Variants in TENM2 observed in about 807,000 individuals in gnomAD.
TENM2 encodes the protein teneurin-2.
A neutral mutation model predicts 245.2 loss-of-function variants in TENM2; 52 were observed. The observed-to-expected ratio is 0.21, with a 90% CI of 0.17 to 0.27. The LOEUF (loss-of-function observed/expected upper bound fraction) is 0.27, where lower values mean the gene tolerates loss of function less well. Among genes scored for constraint, TENM2 ranks in the 10% least tolerant of loss-of-function variants. The pLI, the probability that TENM2 is intolerant of heterozygous loss-of-function variation, is 1.00. For synonymous variants in TENM2, 1,363 were observed against 1,438.9 expected (o/e 0.95, Z 1.19); for missense variants, 3,046 against 3,666.8 (o/e 0.83, Z 4.37).
chr5:167,000,550 G>A, the TENM2 span, among the ~76,000 whole-genome samples: 1 of 152,150 alleles, frequency 6.6e-6, no homozygotes, highest in Non-Finnish European at 1.5e-5. Flanking sequence ...AGAATTCTGT[G>A]TGCAGAAAAT....
chr5:167,211,394 G>T, the TENM2 span, among the ~76,000 whole-genome samples: 1 of 152,212 alleles, frequency 6.6e-6, no homozygotes, highest in Non-Finnish European at 1.5e-5. Context: ...AAAATTAGAT[G>T]ATTTGATCCT....
At chr5:167,362,580 C>T (rs1759782770) in intron 1 of TENM2, among the ~76,000 whole-genome samples, 1 of 152,110 alleles carries the variant, frequency 6.6e-6, no homozygotes, top group African/African-American at 2.4e-5. Flanking sequence ...AAACATCAAG[C>T]ACATGATGGA....
chr5:167,996,193 G>A (rs544755850), intron 5 of TENM2, among the ~76,000 whole-genome samples: 8 of 152,218 alleles, frequency 5.3e-5, no homozygotes, highest in South Asian at 2.1e-4. Flanking sequence ...ATCCAGGCCC[G>A]TGGGCGGGTG....
chr5:168,144,889 G>C (rs1240209216), intron 12 of TENM2, among the ~76,000 whole-genome samples: 1 of 150,454 alleles, frequency 6.6e-6, no homozygotes, highest in African/African-American at 2.4e-5. Flanking sequence ...GTGTGAGATG[G>C]TATCTCATTG....
the TENM2 span, among the ~76,000 whole-genome samples, chr5:166,998,585 C>A: frequency 6.6e-6 from 1 of 152,174 alleles, no homozygotes; most frequent in East Asian, 1.9e-4. Context: ...CTCTAAAGGA[C>A]AAATATCTAG....
intron 2 of TENM2, among the ~76,000 whole-genome samples, chr5:167,640,878 T>TATATATCC (rs1561628928): frequency 1.0e-4 from 6 of 60,292 alleles, no homozygotes; most frequent in South Asian, 4.8e-4. Flanking sequence ...TATATATATA[T>TATATATCC]ATATATATAT....
intron 2 of TENM2, among the ~76,000 whole-genome samples, chr5:167,468,838 T>C (rs1438438685): frequency 6.6e-6 from 1 of 152,194 alleles, no homozygotes; most frequent in Non-Finnish European, 1.5e-5. Context: ...AGTTTTAACA[T>C]GTGATATGCA....
chr5:167,113,219 G>C, the TENM2 span, among the ~76,000 whole-genome samples: 3 of 152,146 alleles, frequency 2.0e-5, no homozygotes, highest in Admixed American at 6.5e-5. Context: ...GTATAATCTA[G>C]TTATTTGGGA....
the TENM2 span, among the ~76,000 whole-genome samples, chr5:167,184,391 A>G: frequency 6.6e-6 from 1 of 152,230 alleles, no homozygotes; most frequent in Non-Finnish European, 1.5e-5. Context: ...TTAGGAAAGT[A>G]CAAGAAATAC....
chr5:167,219,715 G>T, the TENM2 span, among the ~76,000 whole-genome samples: 2 of 152,174 alleles, frequency 1.3e-5, no homozygotes, highest in Non-Finnish European at 1.5e-5. Flanking sequence ...TTTGAAATTT[G>T]CCTGAAAAGG....
At chr5:167,863,730 A>G (rs1480409154) in intron 2 of TENM2, among the ~76,000 whole-genome samples, 4 of 152,214 alleles carry the variant, frequency 2.6e-5, no homozygotes, top group Non-Finnish European at 5.9e-5. Flanking sequence ...TGAGGCCTAC[A>G]GAATGTAAGA....
chr5:167,749,068 A>AT (rs1323185042), intron 2 of TENM2, among the ~76,000 whole-genome samples: 3 of 152,112 alleles, frequency 2.0e-5, no homozygotes, highest in East Asian at 3.9e-4. Flanking sequence ...TTGTATCTTC[A>AT]TTTTTTTAAA....
chr5:167,797,395 AGCT>A (rs2150927867), intron 2 of TENM2, among the ~76,000 whole-genome samples: 3 of 152,282 alleles, frequency 2.0e-5, no homozygotes, highest in Middle Eastern at 3.4e-3. Context: ...TTAACTGAAC[AGCT>A]CTTAGAAGCA....
At chr5:167,539,420 A>G (rs770090474) in intron 2 of TENM2, among the ~76,000 whole-genome samples, 168 of 152,238 alleles carry the variant, frequency 1.1e-3, no homozygotes, top group South Asian at 3.5e-3. Context: ...TTTTTTAACC[A>G]GTAAAAGTGC....
At chr5:167,566,885 A>C (rs1239333589) in intron 2 of TENM2, among the ~76,000 whole-genome samples, 1 of 152,192 alleles carries the variant, frequency 6.6e-6, no homozygotes, top group African/African-American at 2.4e-5. Context: ...GTTTTCACTT[A>C]AGGGGTTGTT....
At chr5:167,040,285 G>T in the TENM2 span, among the ~76,000 whole-genome samples, 1 of 152,092 alleles carries the variant, frequency 6.6e-6, no homozygotes, top group Admixed American at 6.5e-5. Context: ...CCAAGGAGTT[G>T]TTGTCCCGGA....
intron 5 of TENM2, among the ~76,000 whole-genome samples, chr5:168,010,526 A>G (rs1035738289): frequency 6.6e-6 from 1 of 152,248 alleles, no homozygotes; most frequent in African/African-American, 2.4e-5. Flanking sequence ...TCAGAGCTTC[A>G]TAATAATATA....
Position 168,162,513 on chromosome 5 carries a change from C to A in TENM2, c.2423-98C>A, listed in dbSNP as rs1234791091. On this transcript the variant is annotated intron_variant, in intron 12 of 28. Coordinates refer to ENST00000518659, the Ensembl canonical transcript of TENM2. ...GGGCCCCACTGTGAGGCTGGCCCAG[C>A]GGCTGCCCTGCGGCCTTGCTCCCCT... The A allele has an allele frequency of 8.9e-6, 12 of 1,346,134 alleles. No homozygotes were observed. In the Admixed American group the frequency reaches 1.9e-4, roughly 22 times the overall value. The allele number at this position is 1,346,134 out of a possible 1,614,324, so 83.4% of individuals were successfully genotyped here. A position where few individuals can be genotyped will look rare whatever the true frequency, so the allele number is the denominator to read the frequency against.
the TENM2 span, among the ~76,000 whole-genome samples, chr5:167,169,107 C>T: frequency 3.3e-5 from 5 of 152,064 alleles, no homozygotes; most frequent in African/African-American, 1.2e-4. Context: ...GAAATGGAAG[C>T]GTCTGTACAG....
Sources: gnomAD v4.1 joint callset for allele counts (sites outside exome capture counted in the v4.1 genomes callset) on GRCh38, gnomAD v4.1.1 for gene constraint, MANE v1.5 for transcripts, NCBI Gene and HGNC (gene_info 2026-07-23, HGNC 2026-07-21) for gene names.